Variants in CHD3 observed in about 807,000 individuals in gnomAD.
The protein encoded by CHD3 is ATP-dependent chromatin remodeler CHD3.
CHD3 carries 52 observed loss-of-function variants against 248.9 expected under a neutral mutation model. The observed-to-expected ratio is 0.21, with a 90% confidence interval of 0.17 to 0.26. The LOEUF (loss-of-function observed/expected upper bound fraction) is 0.26. Among genes scored for constraint, CHD3 ranks in the 10% least tolerant of loss-of-function variants. The pLI, the probability that CHD3 is intolerant of heterozygous loss-of-function variation, is 1.00. For missense variants in CHD3, 1,482 were observed against 2,605.8 expected (o/e 0.57, Z 9.39); for synonymous variants, 985 against 985.2 (o/e 1.00, Z 0.00).
Position 7,910,867 on chromosome 17 carries a change from C to CGCTACACCT in CHD3, c.5776_5784dup (p.Ala1926_Pro1928dup). On this transcript the variant is annotated inframe_insertion, in exon 39 of 40. Coordinates refer to ENST00000330494, the MANE Select transcript of CHD3 (RefSeq NM_001005273.3). This position sits in a 1 kb window ranked among gnomAD's most constrained non-coding sequence, Gnocchi z 4.7. Reference sequence around the variant, plus strand: ...TCCAGGCCTACCCGCCGGGTCCCTACGCTACACCTCCGGGGTACGGGGCGG... The same window carrying CGCTACACCT: ...TCCAGGCCTACCCGCCGGGTCCCTACGCTACACCTGCTACACCTCCGGGGTACGGGGCGG... 3.1e-6 allele frequency: 5 copies of CGCTACACCT among 1,610,206 alleles called. No homozygotes were observed. Among genetic ancestry groups the CGCTACACCT allele is most frequent in the Middle Eastern group, 1.7e-4 (1 of 6,046 alleles).
At chr17:7,886,228 C>T (rs1278137400), upstream of CHD3, among the ~76,000 whole-genome samples, 1 of 152,250 alleles carries the variant, frequency 6.6e-6, no homozygotes, top group Non-Finnish European at 1.5e-5. The surrounding 1 kb of genome is among the most constrained non-coding windows in gnomAD (Gnocchi z 4.2). Context: ...CCCGGCGGCA[C>T]TCTCTGGGCG....
At chr17:7,884,934 A>T, upstream of CHD3, 4 of 1,327,316 alleles carry the variant, frequency 3.0e-6, no homozygotes, top group Non-Finnish European at 3.9e-6. Flanking sequence ...GACGAGGACG[A>T]TGAGGAGGAC....
In CHD3 at chr17:7,889,587, G is replaced by A. The variant is rs1968522650; in HGVS notation, c.101-77G>A. ...CCTAGAGAGTGGGAACTGCCGAGGTGGGGAAGGGGCAAGTTGAGGGGCCTC... is the reference window on the plus strand; with the variant it reads ...CCTAGAGAGTGGGAACTGCCGAGGTAGGGAAGGGGCAAGTTGAGGGGCCTC... On this transcript the variant is annotated intron_variant, in intron 1 of 39. Transcript: ENST00000330494. This position sits in a 1 kb window ranked among gnomAD's most constrained non-coding sequence, Gnocchi z 4.5. The A allele has an allele frequency of 8.1e-7, 1 of 1,240,072 alleles. No individual in the cohort carries two copies. The highest frequency in any genetic ancestry group is 1.5e-5 in the African/African-American group (1 of 66,334). 76.8% of individuals were successfully genotyped at this position (1,240,072 alleles called of 1,614,324 possible).
chr17:7,899,181 C>T lies in CHD3; in HGVS notation c.2322C>T (p.Phe774=), dbSNP rs1406500973. The part of the protein sequence containing the change: ...GLGKTIQTIV[F]LYSLYKEGHT... ...GCAAGACCATACAAACCATCGTCTT[C>T]CTCTACTCACTCTACAAGGAGGTGC... Residue 774 remains phenylalanine, a synonymous_variant, in exon 14 of 40, where the codon TTC becomes TTT. Coordinates refer to ENST00000330494, the MANE Select transcript of CHD3 (RefSeq NM_001005273.3). This position sits in a 1 kb window ranked among gnomAD's most constrained non-coding sequence, Gnocchi z 6.8. 3 of 1,613,948 alleles carry T rather than the reference C, an allele frequency of 1.9e-6. No homozygotes were observed. Among genetic ancestry groups the T allele is most frequent in the South Asian group, 2.2e-5 (2 of 91,080 alleles).
intron 19 of CHD3, 53 bp from the exon 20 acceptor site, chr17:7,901,191 T>TG: frequency 6.4e-7 from 1 of 1,553,338 alleles, no homozygotes; most frequent in Non-Finnish European, 8.7e-7. Flanking sequence ...GGCAAGAATA[T>TG]GGGGGCATGT....
Position 7,906,633 on chromosome 17 carries a change from G to C in CHD3, c.4439G>C (p.Arg1480Pro). ...GAAACCTTTGCCGATGGGGTCCCTC[G>C]GGAGGGACTGAGTCGCCAGCAGGTG... The part of the protein sequence containing the change: ...GSETFADGVP[R>P]EGLSRQQVLT... The change falls in exon 29 of 40, where the codon CGG (arginine) becomes CCG (proline). Residue 1480 changes from arginine to proline, a missense_variant. Transcript: ENST00000330494. The surrounding 1 kb of genome is among the most constrained non-coding windows in gnomAD (Gnocchi z 5.0). 1 of 1,613,634 alleles carries C rather than the reference G, an allele frequency of 6.2e-7. No homozygotes were observed. The highest frequency in any genetic ancestry group is 8.5e-7 in the Non-Finnish European group (1 of 1,179,788).
At chr17:7,893,261 G>C in intron 4 of CHD3, 25 bp from the exon 5 acceptor site, 1 of 1,583,838 alleles carries the variant, frequency 6.3e-7, no homozygotes, top group Non-Finnish European at 8.6e-7. Flanking sequence ...TGAAGGGTCC[G>C]AGTTTTCTGC....
rs1266388813 is a variant in CHD3 at position 7,899,421 on chromosome 17, G to A, written c.2422G>A (p.Ala808Thr). Residue 808 changes from alanine to threonine, a missense_variant, in exon 15 of 40, where the codon GCA (alanine) becomes ACA (threonine). By Grantham distance (58) the Ala-to-Thr change is moderately conservative (BLOSUM62 0). This residue lies in a region of CHD3 where 49 missense variants were observed against 93.8 expected (regional missense o/e 0.52). Coordinates refer to ENST00000330494, the MANE Select transcript of CHD3 (RefSeq NM_001005273.3). This position sits in a 1 kb window ranked among gnomAD's most constrained non-coding sequence, Gnocchi z 6.8. ...INWEREFQMW[A>T]PKFYVVTYTG... The stretch of plus-strand genomic sequence containing the variant: ...CTGGGAGCGGGAGTTCCAGATGTGG[G>A]CACCCAAATTCTATGTGGTGACATA... 6.8e-6 allele frequency: 11 copies of A among 1,614,010 alleles called. No individual in the cohort carries two copies. The highest frequency in any genetic ancestry group is 1.3e-5 in the African/African-American group (1 of 74,894).
Position 7,908,564 on chromosome 17 carries a change from A to C in CHD3, c.5261+54A>C. 2 of 1,594,734 alleles carry C rather than the reference A, an allele frequency of 1.3e-6. No individual in the cohort carries two copies. On this transcript the variant is annotated intron_variant, in intron 35 of 39. Transcript: ENST00000330494. The surrounding 1 kb of genome is among the most constrained non-coding windows in gnomAD (Gnocchi z 5.8). ...AAAGGTTCTCTCAAGCTGGCAAAAA[A>C]AAAAAAGATGATTTCACACCCAGGG...
rs927329138 is a variant in CHD3, at chr17:7,903,253, C to T, written c.3496-19C>T. ...GGCCACTCCCCTGACCCACCCGCCA[C>T]TTTCTCTTGCCCCTGCAGGCCTTTA... On this transcript the variant is annotated intron_variant, in intron 22 of 39. Transcript: ENST00000330494. The surrounding 1 kb of genome is among the most constrained non-coding windows in gnomAD (Gnocchi z 6.8). 26 of 1,611,688 alleles carry T rather than the reference C, an allele frequency of 1.6e-5. No individual in the cohort carries two copies. The highest frequency in any genetic ancestry group is 2.1e-5 in the Non-Finnish European group (25 of 1,178,426).
At chr17:7,885,392 C>A (rs1348543815), upstream of CHD3, among the ~76,000 whole-genome samples, 2 of 148,692 alleles carry the variant, frequency 1.3e-5, no homozygotes, top group African/African-American at 4.9e-5. Context: ...GCGGACCGGG[C>A]CACTCGGTCG....
chr17:7,911,479 C>T lies in CHD3; in HGVS notation c.5897C>T (p.Pro1966Leu), dbSNP rs147004540. Residue 1966 changes from proline to leucine, a missense_variant, in exon 40 of 40, where the codon CCT becomes CTT. Transcript: ENST00000330494. This position sits in a 1 kb window ranked among gnomAD's most constrained non-coding sequence, Gnocchi z 5.4. ...GSFITAATNG[P>L]PVLVKKEKEM... Reference sequence around the variant, plus strand: ...TCCCAAACAGCCGCCACCAACGGCCCTCCAGTGCTTGTGAAGAAGGAGAAG... The same window carrying T: ...TCCCAAACAGCCGCCACCAACGGCCTTCCAGTGCTTGTGAAGAAGGAGAAG... The T allele has an allele frequency of 2.7e-5, 43 of 1,614,086 alleles. No individual in the cohort carries two copies. The highest frequency in any genetic ancestry group is 3.3e-5 in the Non-Finnish European group (39 of 1,180,028).
chr17:7,894,031 A>AG (rs1372771555), intron 6 of CHD3, 84 bp from the exon 7 acceptor site: 4 of 1,592,064 alleles, frequency 2.5e-6, no homozygotes, highest in Non-Finnish European at 3.4e-6. Flanking sequence ...GGGATCCGTG[A>AG]GGGATGGCGG....
In CHD3 at chr17:7,888,861, G is replaced by GAAGGGTGAGATCGGGAAACA. The variant is rs1968403606; in HGVS notation, c.-133_-114dup. 8 of 1,475,994 alleles carry GAAGGGTGAGATCGGGAAACA rather than the reference G, an allele frequency of 5.4e-6. No homozygotes were observed. The Admixed American group carries it at 2.0e-4, about 37-fold the overall frequency. 91.4% of individuals were successfully genotyped at this position (1,475,994 alleles called of 1,614,324 possible). On this transcript the variant is annotated 5_prime_UTR_variant, in exon 1 of 40. It removes the in-frame stop codon of an upstream open reading frame in the 5' UTR. Coordinates refer to ENST00000330494, the MANE Select transcript of CHD3 (RefSeq NM_001005273.3). ...GATATCTGGAACAAAATATGGAGGTGAAGGGTGAGATCGGGAAACAAAGGG... is the reference window on the plus strand; with the variant it reads ...GATATCTGGAACAAAATATGGAGGTGAAGGGTGAGATCGGGAAACAAAGGGTGAGATCGGGAAACAAAGGG...
In CHD3 at chr17:7,899,960, C is replaced by G. The variant is rs1970120949; in HGVS notation, c.2609C>G (p.Ala870Gly). The G allele has an allele frequency of 6.2e-7, 1 of 1,613,886 alleles. No homozygotes were observed. The highest frequency in any genetic ancestry group is 1.1e-5 in the South Asian group (1 of 91,076). ...TSYELITIDQ[A>G]ALGSIRWACL... ...TATGAGCTGATCACCATTGATCAGG[C>G]AGCACTTGGTTCCATCCGCTGGGCC... The change falls in exon 16 of 40, where the codon GCA becomes GGA. Residue 870 changes from alanine (A) to glycine (G), a missense_variant. By Grantham distance (60) the Ala-to-Gly change is moderately conservative (BLOSUM62 0). Transcript: ENST00000330494. The surrounding 1 kb of genome is among the most constrained non-coding windows in gnomAD (Gnocchi z 6.8).
rs1300766467 is a variant in CHD3, at chr17:7,911,014, CCTT to C, written c.5881+42_5881+44del. 2 of 1,609,252 alleles carry C rather than the reference CCTT, an allele frequency of 1.2e-6. No individual in the cohort carries two copies. Among genetic ancestry groups the C allele is most frequent in the Non-Finnish European group, 1.7e-6 (2 of 1,178,590 alleles). On this transcript the variant is annotated intron_variant, in intron 39 of 39. Transcript: ENST00000330494. The surrounding 1 kb of genome is among the most constrained non-coding windows in gnomAD (Gnocchi z 5.4). ...CCTACCCCCTGCTACTCACACTCCTCCTTTGCCAAACTTTATTTCTGCTCAGCT... is the reference window on the plus strand; with the variant it reads ...CCTACCCCCTGCTACTCACACTCCTCTGCCAAACTTTATTTCTGCTCAGCT...
At chr17:7,901,421 C>T in intron 20 of CHD3, 46 bp downstream of exon 20, 3 of 1,492,924 alleles carry the variant, frequency 2.0e-6, no homozygotes, top group South Asian at 2.8e-5. Flanking sequence ...CCTCTTCCCT[C>T]TCCTCATCCT....
chr17:7,906,370 C>G lies in CHD3; in HGVS notation c.4359-183C>G, dbSNP rs992772046. 8 of 689,172 alleles carry G rather than the reference C, an allele frequency of 1.2e-5. No homozygotes were observed. The highest frequency in any genetic ancestry group is 4.7e-5 in the Admixed American group (2 of 42,136). The allele number at this position is 689,172 out of a possible 1,614,324, so 42.7% of individuals were successfully genotyped here. A position where few individuals can be genotyped will look rare whatever the true frequency, so the allele number is the denominator to read the frequency against. ...CAAAGGGAAAGACCCAGGGGTGGGG[C>G]GCAGGGGGACAGTTAGGACTTGGAG... is the stretch of plus-strand genomic sequence containing the variant. On this transcript the variant is annotated intron_variant, in intron 28 of 39. Coordinates refer to ENST00000330494, the MANE Select transcript of CHD3 (RefSeq NM_001005273.3). The surrounding 1 kb of genome is among the most constrained non-coding windows in gnomAD (Gnocchi z 5.0).
Position 7,903,151 on chromosome 17 carries a change from A to G in CHD3, c.3495+90A>G. The G allele has an allele frequency of 6.4e-7, 1 of 1,574,596 alleles. No individual in the cohort carries two copies. Among genetic ancestry groups the G allele is most frequent in the African/African-American group, 1.3e-5 (1 of 74,100 alleles). On this transcript the variant is annotated intron_variant, in intron 22 of 39. Coordinates refer to ENST00000330494, the MANE Select transcript of CHD3 (RefSeq NM_001005273.3). The surrounding 1 kb of genome is among the most constrained non-coding windows in gnomAD (Gnocchi z 6.8). ...GTGTCATGTTCCGGGGTCAGAAATA[A>G]ATCTCTTCTGGGAGGAGAGAAGGCC...
Sources: gnomAD v4.1 joint callset for allele counts (sites outside exome capture counted in the v4.1 genomes callset) on GRCh38, gnomAD v4.1.1 for gene constraint, gnomAD v4.1.1 regional missense constraint, Gnocchi (gnomAD v3.1) non-coding constraint, MANE v1.5 for transcripts, NCBI Gene and HGNC (gene_info 2026-07-23, HGNC 2026-07-21) for gene names.